The following CSRNP3 variants were observed in gnomAD, a reference collection of about 807,000 sequenced individuals.
CSRNP3 encodes cysteine/serine-rich nuclear protein 3.
CSRNP3 carries 12 observed loss-of-function variants against 48.0 expected under a neutral mutation model. The observed-to-expected ratio is 0.25, with a 90% CI of 0.16 to 0.41. The LOEUF (loss-of-function observed/expected upper bound fraction) is 0.41, where lower values mean the gene tolerates loss of function less well. Among genes scored for constraint, CSRNP3 ranks in the 10% least tolerant of loss-of-function variants. CSRNP3 has a pLI of 1.00. For missense variants in CSRNP3, 580 were observed against 724.4 expected (o/e 0.80, Z 2.29); for synonymous variants, 263 against 269.7 (o/e 0.98, Z 0.24).
intron 4 of CSRNP3, among the ~76,000 whole-genome samples, chr2:165,602,444 A>G (rs1685931844): frequency 6.6e-6 from 1 of 152,246 alleles, no homozygotes; most frequent in African/African-American, 2.4e-5. Context: ...GATCATATGT[A>G]GAAACATGCA....
chr2:165,662,188 A>C (rs534370142), intron 5 of CSRNP3, among the ~76,000 whole-genome samples: 2 of 152,282 alleles, frequency 1.3e-5, no homozygotes, highest in African/African-American at 4.8e-5. Flanking sequence ...AAACAAAATA[A>C]AAGTAGGAAT....
At position 165,652,649 on chromosome 2, in the gene CSRNP3, G is replaced by T. The variant is rs112148583; in HGVS notation, c.149-5112G>T. On this transcript the variant is annotated intron_variant, in intron 4 of 6. Coordinates refer to ENST00000651982, the MANE Select transcript of CSRNP3 (RefSeq NM_001172173.2). ...CCTCTGCCTCCTGGGCTCAAGTGAT[G>T]ATTGTGCCTCAGCCTCCCAACTAGC... Among the ~76,000 whole-genome samples the T allele has an allele frequency of 3.5e-3, 532 of 152,134 alleles. 2 individuals carry two copies. Among genetic ancestry groups the T allele is most frequent in the African/African-American group, 0.012 (489 of 41,530 alleles).
At chr2:165,666,348 AAGG>A (rs1401783895) in intron 5 of CSRNP3, among the ~76,000 whole-genome samples, 12 of 97,626 alleles carry the variant, frequency 1.2e-4, no homozygotes, top group African/African-American at 4.6e-4. Flanking sequence ...GAGAGAGAGA[AAGG>A]AAGGAAGGAA....
intron 3 of CSRNP3, among the ~76,000 whole-genome samples, chr2:165,584,718 C>A (rs1685599839): frequency 6.6e-6 from 1 of 152,130 alleles, no homozygotes. Context: ...ATGAAACCTA[C>A]TAAAGAAGTC....
chr2:165,660,845 A>T (rs1045617764), intron 5 of CSRNP3, among the ~76,000 whole-genome samples: 2 of 152,208 alleles, frequency 1.3e-5, no homozygotes, highest in African/African-American at 2.4e-5. Flanking sequence ...AAATGTAAAC[A>T]AAAGGCATTT....
intron 2 of CSRNP3, among the ~76,000 whole-genome samples, chr2:165,502,109 A>T (rs1684366477): frequency 6.6e-6 from 1 of 152,044 alleles, no homozygotes; most frequent in Non-Finnish European, 1.5e-5. Context: ...TTATGGTGAA[A>T]AAGTATACAG....
chr2:165,485,849 CA>C (rs542267550), intron 1 of CSRNP3, among the ~76,000 whole-genome samples: 4 of 152,220 alleles, frequency 2.6e-5, no homozygotes, highest in South Asian at 4.1e-4. Context: ...AGTAGCACCA[CA>C]AGTGGTACAA....
At chr2:165,517,205 T>C (rs1242367250) in intron 2 of CSRNP3, among the ~76,000 whole-genome samples, 1 of 152,012 alleles carries the variant, frequency 6.6e-6, no homozygotes. Flanking sequence ...AAAGTATATA[T>C]CATTACTGCC....
intron 1 of CSRNP3, among the ~76,000 whole-genome samples, chr2:165,474,237 T>C (rs1306260644): frequency 6.6e-6 from 1 of 152,030 alleles, no homozygotes; most frequent in Non-Finnish European, 1.5e-5. Context: ...TTATTTTATT[T>C]TATATTTTAG....
chr2:165,573,427 A>G (rs1478003961), intron 3 of CSRNP3, among the ~76,000 whole-genome samples: 1 of 152,250 alleles, frequency 6.6e-6, no homozygotes, highest in Non-Finnish European at 1.5e-5. Context: ...ATTTATGAGC[A>G]ATAGAGAAGT....
At chr2:165,509,447 G>C (rs1684470989) in intron 2 of CSRNP3, among the ~76,000 whole-genome samples, 1 of 152,096 alleles carries the variant, frequency 6.6e-6, no homozygotes, top group Non-Finnish European at 1.5e-5. Context: ...GAAAGATGTG[G>C]GGACTTGGCC....
At chr2:165,581,353 C>T (rs1295573937) in intron 3 of CSRNP3, among the ~76,000 whole-genome samples, 1 of 152,122 alleles carries the variant, frequency 6.6e-6, no homozygotes, top group East Asian at 1.9e-4. Context: ...ATGGAATAGC[C>T]GTCCCTCTCT....
intron 3 of CSRNP3, among the ~76,000 whole-genome samples, chr2:165,584,695 T>A (rs1281546772): frequency 6.6e-6 from 1 of 151,754 alleles, no homozygotes; most frequent in Non-Finnish European, 1.5e-5. Flanking sequence ...AAATTCAGAG[T>A]TGCACTGATT....
At chr2:165,512,429 A>G (rs891390724) in intron 2 of CSRNP3, among the ~76,000 whole-genome samples, 1 of 152,218 alleles carries the variant, frequency 6.6e-6, no homozygotes, top group African/African-American at 2.4e-5. Flanking sequence ...TATTACCTGA[A>G]CAATTTTAGA....
intron 4 of CSRNP3, among the ~76,000 whole-genome samples, chr2:165,602,591 G>A (rs1685933496): frequency 1.3e-5 from 2 of 152,130 alleles, no homozygotes. Flanking sequence ...TAGTCACTTG[G>A]ATATGCAATA....
At chr2:165,523,423 G>C (rs1007026616) in intron 3 of CSRNP3, among the ~76,000 whole-genome samples, 4 of 152,014 alleles carry the variant, frequency 2.6e-5, no homozygotes, top group Non-Finnish European at 5.9e-5. Context: ...ACTCATTCAA[G>C]CTCTCCAAGC....
At position 165,596,732 on chromosome 2, in the gene CSRNP3, C is replaced by G. The variant is rs567284762; in HGVS notation, c.148+1519C>G. ...TGTATTTATGTTTTGGGTCTTAATA[C>G]TAGTAGTGATAATAACATCATTATC... is the stretch of plus-strand genomic sequence containing the variant. On this transcript the variant is annotated intron_variant, in intron 4 of 6. Coordinates refer to ENST00000651982, the MANE Select transcript of CSRNP3 (RefSeq NM_001172173.2). 2.4e-3 allele frequency among the ~76,000 whole-genome samples: 288 copies of G among 120,582 alleles called. 4 individuals are homozygous for G. Among genetic ancestry groups the G allele is most frequent in the Middle Eastern group, 0.022 (5 of 226 alleles). 79.1% of individuals were successfully genotyped at this position (120,582 alleles called of 152,430 possible). A position where few individuals can be genotyped will look rare whatever the true frequency, so the allele number is the denominator to read the frequency against.
chr2:165,484,971 T>C (rs968648881), intron 1 of CSRNP3, among the ~76,000 whole-genome samples: 1 of 151,314 alleles, frequency 6.6e-6, no homozygotes, highest in African/African-American at 2.4e-5. Context: ...TTAAAATTAC[T>C]AAACTGTCAT....
chr2:165,558,423 T>C (rs540608878), intron 3 of CSRNP3, among the ~76,000 whole-genome samples: 13 of 152,338 alleles, frequency 8.5e-5, no homozygotes, highest in South Asian at 4.1e-4. Context: ...TCGTGGCATG[T>C]ATATTTTCAA....
Sources: allele counts gnomAD v4.1 joint callset (sites outside exome capture counted in the v4.1 genomes callset), GRCh38; gene constraint gnomAD v4.1.1; transcripts MANE v1.5; gene names NCBI Gene and HGNC (gene_info 2026-07-23, HGNC 2026-07-21).